Variants in NSMCE2 observed in about 807,000 individuals in gnomAD.
NSMCE2 encodes the protein E3 SUMO-protein ligase NSE2.
NSMCE2 carries 24 observed loss-of-function variants against 23.8 expected under a neutral mutation model. The observed-to-expected ratio is 1.01, with a 90% CI of 0.73 to 1.42. NSMCE2 has a LOEUF of 1.42. NSMCE2 is among the 40% of genes most tolerant of loss of function. The pLI, the probability that NSMCE2 is intolerant of heterozygous loss-of-function variation, is 0.00. For missense variants in NSMCE2, 284 were observed against 296.5 expected (o/e 0.96, Z 0.31); for synonymous variants, 92 against 94.1 (o/e 0.98, Z 0.13).
intron 1 of NSMCE2, among the ~76,000 whole-genome samples, chr8:125,094,267 C>A (rs1468222075): frequency 6.6e-6 from 1 of 152,138 alleles, no homozygotes; most frequent in Non-Finnish European, 1.5e-5. Flanking sequence ...GCAAGATAGT[C>A]ACTAACAAAG....
intron 3 of NSMCE2, among the ~76,000 whole-genome samples, chr8:125,140,505 A>G (rs1013402650): frequency 6.6e-6 from 1 of 152,142 alleles, no homozygotes; most frequent in Non-Finnish European, 1.5e-5. Context: ...TCTACTGAAA[A>G]TACAAAAATT....
intron 4 of NSMCE2, among the ~76,000 whole-genome samples, chr8:125,159,450 A>G (rs1226616275): frequency 1.3e-5 from 2 of 152,236 alleles, no homozygotes; most frequent in African/African-American, 4.8e-5. Context: ...AGTATTCAGT[A>G]TAGTAACATG....
chr8:125,136,463 T>C (rs1283196197), intron 3 of NSMCE2, among the ~76,000 whole-genome samples: 1 of 152,200 alleles, frequency 6.6e-6, no homozygotes, highest in Non-Finnish European at 1.5e-5. Context: ...CTTTATGTTT[T>C]AGGTCTTGCA....
At chr8:125,269,123 G>A (rs1037117446) in intron 5 of NSMCE2, among the ~76,000 whole-genome samples, 1 of 152,038 alleles carries the variant, frequency 6.6e-6, no homozygotes, top group Admixed American at 6.6e-5. Flanking sequence ...GTCCCACTCT[G>A]TCACCCAGGC....
chr8:125,145,240 T>C (rs1820608599), intron 3 of NSMCE2, among the ~76,000 whole-genome samples: 1 of 152,162 alleles, frequency 6.6e-6, no homozygotes, highest in Admixed American at 6.5e-5. Flanking sequence ...TGGTTTGGCA[T>C]TGTGCTTGTG....
chr8:125,262,665 T>C (rs922505823), intron 5 of NSMCE2, among the ~76,000 whole-genome samples: 1 of 152,204 alleles, frequency 6.6e-6, no homozygotes, highest in Admixed American at 6.5e-5. Flanking sequence ...CAATCTGGTG[T>C]CATGGTGTAA....
intron 5 of NSMCE2, among the ~76,000 whole-genome samples, chr8:125,244,614 C>T (rs1825887451): frequency 6.6e-6 from 1 of 152,084 alleles, no homozygotes; most frequent in Non-Finnish European, 1.5e-5. Context: ...AAAACACATA[C>T]CAGACAACAA....
intron 3 of NSMCE2, among the ~76,000 whole-genome samples, chr8:125,146,875 AC>A (rs1362713750): frequency 1.3e-5 from 2 of 152,096 alleles, no homozygotes; most frequent in Admixed American, 1.3e-4. Context: ...GTGCACATGT[AC>A]CCTAAAACTT....
intron 5 of NSMCE2, among the ~76,000 whole-genome samples, chr8:125,330,493 G>T (rs1347460706): frequency 6.6e-6 from 1 of 151,854 alleles, no homozygotes; most frequent in Non-Finnish European, 1.5e-5. Context: ...CTAGTTTTTG[G>T]ACACACCATG....
chr8:125,288,029 T>C (rs1827967735), intron 5 of NSMCE2, among the ~76,000 whole-genome samples: 2 of 152,206 alleles, frequency 1.3e-5, no homozygotes, highest in Admixed American at 6.5e-5. Flanking sequence ...TCTCGGTATG[T>C]TGCCCGGGCT....
chr8:125,308,739 C>G (rs1828856546), intron 5 of NSMCE2, among the ~76,000 whole-genome samples: 1 of 152,204 alleles, frequency 6.6e-6, no homozygotes, highest in Non-Finnish European at 1.5e-5. Context: ...AGCCACATGG[C>G]CAACCCACTC....
chr8:125,178,531 T>C (rs1175182579), intron 4 of NSMCE2, among the ~76,000 whole-genome samples: 1 of 152,192 alleles, frequency 6.6e-6, no homozygotes, highest in Non-Finnish European at 1.5e-5. Flanking sequence ...TAACCCCTAG[T>C]AGGACCTCAG....
intron 6 of NSMCE2, 90 bp downstream of exon 6, chr8:125,357,409 T>C (rs1813329259): frequency 1.1e-6 from 1 of 934,978 alleles, no homozygotes; most frequent in African/African-American, 1.6e-5. Flanking sequence ...TTGATTTCAC[T>C]TAGGGAGTTA....
At chr8:125,313,522 C>A (rs907176617) in intron 5 of NSMCE2, among the ~76,000 whole-genome samples, 7 of 152,144 alleles carry the variant, frequency 4.6e-5, no homozygotes, top group African/African-American at 1.4e-4. Context: ...GACAGACAGG[C>A]CTTACTCTTG....
intron 5 of NSMCE2, among the ~76,000 whole-genome samples, chr8:125,219,776 C>T (rs544400540): frequency 1.1e-3 from 167 of 152,236 alleles, no homozygotes; most frequent in African/African-American, 3.7e-3. Context: ...CTTTGGGCTT[C>T]GCTGATTGAA....
intron 1 of NSMCE2, among the ~76,000 whole-genome samples, chr8:125,095,488 A>G (rs574398038): frequency 5.3e-5 from 8 of 152,132 alleles, no homozygotes; most frequent in South Asian, 2.1e-4. Context: ...CAGCTACTTG[A>G]GAGGCTAATG....
intron 3 of NSMCE2, among the ~76,000 whole-genome samples, chr8:125,149,786 T>C (rs75358093): frequency 0.022 from 3,281 of 152,316 alleles, 127 homozygotes; most frequent in African/African-American, 0.075. Flanking sequence ...GTGGATCTGT[T>C]TCTGCTGATT....
chr8:125,346,552 T>C lies in NSMCE2; in HGVS notation c.419-10667T>C, dbSNP rs73336884. Among the ~76,000 whole-genome samples the C allele has an allele frequency of 6.1e-3, 924 of 152,344 alleles. 8 individuals carry two copies. The highest frequency in any genetic ancestry group is 0.022 in the African/African-American group (898 of 41,582). On this transcript the variant is annotated intron_variant, in intron 5 of 7. Coordinates refer to ENST00000287437, the MANE Select transcript of NSMCE2 (RefSeq NM_173685.4). ...TTCTCAATGCTGGCTAATCAGACTTTCCCTATTATTTGGTTTTCCTAGTTC... is the reference window on the plus strand; with the variant it reads ...TTCTCAATGCTGGCTAATCAGACTTCCCCTATTATTTGGTTTTCCTAGTTC...
At chr8:125,147,273 T>C (rs1419854038) in intron 3 of NSMCE2, among the ~76,000 whole-genome samples, 1 of 152,226 alleles carries the variant, frequency 6.6e-6, no homozygotes, top group African/African-American at 2.4e-5. Context: ...TCTAATTCAG[T>C]TGAATCTCTT....
Sources: gnomAD v4.1 joint callset for allele counts (sites outside exome capture counted in the v4.1 genomes callset) on GRCh38, gnomAD v4.1.1 for gene constraint, MANE v1.5 for transcripts, NCBI Gene and HGNC (gene_info 2026-07-23, HGNC 2026-07-21) for gene names.